ABLIM2: variants seen among roughly 807,000 people sequenced by gnomAD.
ABLIM2 encodes the protein actin-binding LIM protein 2.
A neutral mutation model predicts 97.7 loss-of-function variants in ABLIM2; 53 were observed. That is an observed-to-expected ratio of 0.54 (90% CI 0.44 to 0.68). The LOEUF is 0.68. Among genes scored for constraint, ABLIM2 ranks in the 30% least tolerant of loss-of-function variants. The probability of loss-of-function intolerance (pLI) is 0.00; values close to 1 mark genes in which losing one functional copy is unlikely to be tolerated. For missense variants in ABLIM2, 835 were observed against 867.2 expected (o/e 0.96, Z 0.47); for synonymous variants, 361 against 345.8 (o/e 1.04, Z -0.49).
chr4:8,113,880 A>G lies in ABLIM2; in HGVS notation c.11-7243T>C, dbSNP rs1394399852. ...CCCTTTCACACCTTTCCTTCTGACC[A>G]TGGCAACGAGCAGAGCAATACAGAG... On this transcript the variant is annotated intron_variant, in intron 1 of 20. Transcript: ENST00000447017. The surrounding 1 kb of genome is among the most constrained non-coding windows in gnomAD (Gnocchi z 4.5). 3.3e-5 allele frequency among the ~76,000 whole-genome samples: 5 copies of G among 152,198 alleles called. No individual in the cohort carries two copies. The highest frequency in any genetic ancestry group is 3.3e-4 in the Admixed American group (5 of 15,286).
chr4:8,039,164 T>C (rs1264493911), intron 9 of ABLIM2, among the ~76,000 whole-genome samples: 3 of 152,190 alleles, frequency 2.0e-5, no homozygotes, highest in African/African-American at 4.8e-5. Context: ...ACAGCAGGCT[T>C]GTGAATTGAA....
In ABLIM2 at chr4:8,132,870, G is replaced by A. The variant is rs1001943977; in HGVS notation, c.10+25810C>T. Among the ~76,000 whole-genome samples, 1 of 152,180 alleles carries A rather than the reference G, an allele frequency of 6.6e-6. No individual in the cohort carries two copies. Among genetic ancestry groups the A allele is most frequent in the African/African-American group, 2.4e-5 (1 of 41,446 alleles). On this transcript the variant is annotated intron_variant, in intron 1 of 20. Transcript: ENST00000447017. This position sits in a 1 kb window ranked among gnomAD's most constrained non-coding sequence, Gnocchi z 8.0. ...CAGCCCCTACCCGGGCACGTGGTGG[G>A]CACTCGGTAATTGGCATCTTTGTTC...
intron 6 of ABLIM2, among the ~76,000 whole-genome samples, chr4:8,076,308 G>A (rs1033234203): frequency 1.3e-5 from 2 of 152,222 alleles, no homozygotes; most frequent in Non-Finnish European, 2.9e-5. Flanking sequence ...TGCGCTCACT[G>A]TTCCATTCCC....
intron 1 of ABLIM2, among the ~76,000 whole-genome samples, chr4:8,137,595 A>G (rs1170345668): frequency 6.6e-6 from 1 of 152,192 alleles, no homozygotes; most frequent in Non-Finnish European, 1.5e-5. Flanking sequence ...TGAAGAAGGG[A>G]TGGGAGGTGC....
At chr4:8,133,929 CAG>C (rs1849794942) in intron 1 of ABLIM2, among the ~76,000 whole-genome samples, 1 of 152,074 alleles carries the variant, frequency 6.6e-6, no homozygotes, top group Admixed American at 6.5e-5. Flanking sequence ...TGTCAGGCAC[CAG>C]AGCAAGGCAC....
intron 6 of ABLIM2, among the ~76,000 whole-genome samples, chr4:8,066,214 G>A (rs1807179626): frequency 1.3e-5 from 2 of 150,836 alleles, no homozygotes; most frequent in African/African-American, 4.9e-5. Context: ...GCTGAGGCAG[G>A]AGAATGGCGT....
rs1042992335 is a variant in ABLIM2, at chr4:8,032,459, A to C, written c.1048-2683T>G. 6.6e-6 allele frequency among the ~76,000 whole-genome samples: 1 copy of C among 152,166 alleles called. No individual in the cohort carries two copies. The highest frequency in any genetic ancestry group is 2.4e-5 in the African/African-American group (1 of 41,446). ...TGGCAGACATATCGGGGAGGCATGC[A>C]AGTGCGGGGTGATCATAAAAATAAC... On this transcript the variant is annotated intron_variant, in intron 10 of 20. Coordinates refer to ENST00000447017, the MANE Select transcript of ABLIM2 (RefSeq NM_001130083.2). This position sits in a 1 kb window ranked among gnomAD's most constrained non-coding sequence, Gnocchi z 4.3.
chr4:8,035,767 C>T (rs1258591365), intron 10 of ABLIM2, among the ~76,000 whole-genome samples: 6 of 152,176 alleles, frequency 3.9e-5, no homozygotes, highest in Non-Finnish European at 8.8e-5. Context: ...GAGGGTGGCA[C>T]GGGCCAAGAG....
intron 2 of ABLIM2, among the ~76,000 whole-genome samples, chr4:8,105,531 C>T (rs1431488186): frequency 1.3e-5 from 2 of 152,150 alleles, no homozygotes; most frequent in Admixed American, 6.5e-5. Context: ...GCTCAATTAT[C>T]GGCTTGTGGC....
Position 8,127,068 on chromosome 4 carries a change from G to GAAAA in ABLIM2, c.11-20435_11-20432dup, listed in dbSNP as rs534244270. Among the ~76,000 whole-genome samples, 1 of 116,086 alleles carries GAAAA rather than the reference G, an allele frequency of 8.6e-6. No homozygotes were observed. The highest frequency in any genetic ancestry group is 9.0e-5 in the Admixed American group (1 of 11,126). The allele number at this position is 116,086 out of a possible 152,430, so 76.2% of individuals were successfully genotyped here. A position where few individuals can be genotyped will look rare whatever the true frequency, so the allele number is the denominator to read the frequency against. On this transcript the variant is annotated intron_variant, in intron 1 of 20. Transcript: ENST00000447017. The surrounding 1 kb of genome is among the most constrained non-coding windows in gnomAD (Gnocchi z 7.3). ...GTGACAGAGTGAGTCCCTGCCTCCA[G>GAAAA]AAAAAAAAAAAAAAAATGCCTGCAG...
chr4:8,031,962 G>A (rs937273337), intron 10 of ABLIM2, among the ~76,000 whole-genome samples: 1 of 151,932 alleles, frequency 6.6e-6, no homozygotes, highest in Non-Finnish European at 1.5e-5. Context: ...CCTGACCTCT[G>A]GTGATCCGCC....
intron 1 of ABLIM2, among the ~76,000 whole-genome samples, chr4:8,135,986 C>T (rs1001980499): frequency 1.3e-5 from 2 of 152,224 alleles, no homozygotes; most frequent in Non-Finnish European, 2.9e-5. Context: ...ATTAAAAACA[C>T]AATTGTGCAA....
rs1329513808 is a variant in ABLIM2, at chr4:8,155,326, C to T, written c.10+3354G>A. Among the ~76,000 whole-genome samples the T allele has an allele frequency of 3.3e-5, 5 of 152,156 alleles. No individual in the cohort carries two copies. Among genetic ancestry groups the T allele is most frequent in the African/African-American group, 4.8e-5 (2 of 41,434 alleles). ...TAGGTGAAGAAATGTGTCTCTGTTCCAAATACTAGGATCTGCACCGTCCAC... is the reference window on the plus strand; with the variant it reads ...TAGGTGAAGAAATGTGTCTCTGTTCTAAATACTAGGATCTGCACCGTCCAC... On this transcript the variant is annotated intron_variant, in intron 1 of 20. Coordinates refer to ENST00000447017, the MANE Select transcript of ABLIM2 (RefSeq NM_001130083.2). The surrounding 1 kb of genome is among the most constrained non-coding windows in gnomAD (Gnocchi z 4.2).
In ABLIM2 at chr4:8,036,314, T is replaced by C. The variant is rs371741493; in HGVS notation, c.901-19A>G. 1.9e-5 allele frequency: 30 copies of C among 1,611,918 alleles called. No individual in the cohort carries two copies. The highest frequency in any genetic ancestry group is 8.8e-5 in the South Asian group (8 of 90,844). On this transcript the variant is annotated intron_variant, in intron 9 of 20. Transcript: ENST00000447017. ...GCTTGGCCTGAGAGGGGAAAGAGAA[T>C]TGGGGAGGGGACAGTCACCAGATGC...
intron 12 of ABLIM2, among the ~76,000 whole-genome samples, chr4:8,024,946 G>T (rs1776355891): frequency 6.6e-6 from 1 of 152,126 alleles, no homozygotes; most frequent in Admixed American, 6.5e-5. Flanking sequence ...CTTTTTTTGA[G>T]ATGTAGTCTC....
chr4:7,988,172 G>A (rs892702204), intron 17 of ABLIM2, among the ~76,000 whole-genome samples: 3 of 152,030 alleles, frequency 2.0e-5, no homozygotes, highest in African/African-American at 7.2e-5. Flanking sequence ...ACAGGCATGC[G>A]TCACCATGCC....
chr4:8,136,276 G>A (rs1005917127), intron 1 of ABLIM2, among the ~76,000 whole-genome samples: 1 of 152,172 alleles, frequency 6.6e-6, no homozygotes, highest in African/African-American at 2.4e-5. Flanking sequence ...AGGGTGGGTG[G>A]CAGGGGCCGG....
chr4:7,974,302 CCCATCCACCAATCCAT>C, intron 20 of ABLIM2, among the ~76,000 whole-genome samples: 1 of 149,684 alleles, frequency 6.7e-6, no homozygotes, highest in East Asian at 2.0e-4. Flanking sequence ...TACCCATCCA[CCCATCCACCAATCCAT>C]CCACCCACCA....
intron 11 of ABLIM2, among the ~76,000 whole-genome samples, chr4:8,028,247 G>C (rs1322687163): frequency 1.3e-5 from 2 of 152,238 alleles, no homozygotes; most frequent in African/African-American, 4.8e-5. Context: ...TGCAAGCTTG[G>C]CTCTTGGGTT....
Sources: gnomAD v4.1 joint callset for allele counts (sites outside exome capture counted in the v4.1 genomes callset) on GRCh38, gnomAD v4.1.1 for gene constraint, Gnocchi (gnomAD v3.1) non-coding constraint, MANE v1.5 for transcripts, NCBI Gene and HGNC (gene_info 2026-07-23, HGNC 2026-07-21) for gene names.